RANBP2: variants seen among roughly 807,000 people sequenced by gnomAD.
RANBP2 encodes the protein RAN binding protein 2.
Under a neutral mutation model 303.6 loss-of-function variants are expected in RANBP2, and 57 were observed. The ratio of observed to expected loss-of-function variants is 0.19; its 90% CI spans 0.15 to 0.23. The LOEUF is 0.23. Among genes scored for constraint, RANBP2 ranks in the 10% least tolerant of loss-of-function variants. The probability of loss-of-function intolerance (pLI) is 1.00; values close to 1 mark genes in which losing one functional copy is unlikely to be tolerated. For missense variants in RANBP2, 3,138 were observed against 3,780.8 expected, an observed-to-expected ratio of 0.83 and a Z score of 4.46; for synonymous variants, 1,167 against 1,301.5, an observed-to-expected ratio of 0.90 and a Z score of 2.23.
At chr2:109,050,149 TATA>T in the RANBP2 span, among the ~76,000 whole-genome samples, 1 of 152,214 alleles carries the variant, frequency 6.6e-6, no homozygotes, top group African/African-American at 2.4e-5. Context: ...GAAAAAACTG[TATA>T]ATATCTCAAT....
At chr2:108,880,554 A>G in the RANBP2 span, among the ~76,000 whole-genome samples, 1 of 151,462 alleles carries the variant, frequency 6.6e-6, no homozygotes, top group Non-Finnish European at 1.5e-5. Flanking sequence ...CTCTCTTGTT[A>G]GAGTTTAATG....
the RANBP2 span, among the ~76,000 whole-genome samples, chr2:109,471,440 C>T: frequency 6.6e-6 from 1 of 152,140 alleles, no homozygotes; most frequent in Non-Finnish European, 1.5e-5. Context: ...AACTCACTCA[C>T]TATCACAAGA....
At chr2:109,364,592 C>T in the RANBP2 span, among the ~76,000 whole-genome samples, 6 of 152,308 alleles carry the variant, frequency 3.9e-5, no homozygotes, top group South Asian at 1.0e-3. Context: ...TGTAAATAGG[C>T]CTTTGGTGCT....
the RANBP2 span, among the ~76,000 whole-genome samples, chr2:109,637,118 G>A: frequency 1.3e-5 from 2 of 152,200 alleles, no homozygotes; most frequent in African/African-American, 2.4e-5. Context: ...TAGAATCTAT[G>A]TCATAATTAA....
chr2:109,471,846 A>C, the RANBP2 span, among the ~76,000 whole-genome samples: 1 of 151,910 alleles, frequency 6.6e-6, no homozygotes, highest in South Asian at 2.1e-4. Flanking sequence ...CTTTTTCCAC[A>C]CTCTATTTGC....
At chr2:108,966,472 G>A in the RANBP2 span, among the ~76,000 whole-genome samples, 1,710 of 152,320 alleles carry the variant, frequency 0.011, 28 homozygotes, top group African/African-American at 0.038. Flanking sequence ...TCATCTCGCG[G>A]GCCCCGGTGC....
At chr2:108,758,674 T>G in intron 18 of RANBP2, 126 bp downstream of exon 18, 1 of 1,514,218 alleles carries the variant, frequency 6.6e-7, no homozygotes, top group Non-Finnish European at 8.9e-7. Flanking sequence ...CGTCTGTTTA[T>G]ATGTGACTTC....
the RANBP2 span, among the ~76,000 whole-genome samples, chr2:109,147,779 A>G: frequency 6.6e-6 from 1 of 152,220 alleles, no homozygotes; most frequent in Non-Finnish European, 1.5e-5. Context: ...TGTTTTAGCT[A>G]AAATATCCCG....
At chr2:109,728,290 C>G in the RANBP2 span, among the ~76,000 whole-genome samples, 2 of 152,122 alleles carry the variant, frequency 1.3e-5, no homozygotes, top group Non-Finnish European at 2.9e-5. Context: ...CAGAGATGAG[C>G]TGTCCTCACT....
chr2:109,512,849 A>G, the RANBP2 span, among the ~76,000 whole-genome samples: 3,907 of 152,212 alleles, frequency 0.026, 73 homozygotes, highest in Non-Finnish European at 0.04. Context: ...CTGGGCCAGC[A>G]AGGGAGCAGC....
the RANBP2 span, among the ~76,000 whole-genome samples, chr2:108,957,384 A>T: frequency 6.6e-6 from 1 of 152,264 alleles, no homozygotes; most frequent in Non-Finnish European, 1.5e-5. Flanking sequence ...AGTCGGGGGC[A>T]GGTAATGACA....
the RANBP2 span, among the ~76,000 whole-genome samples, chr2:109,447,921 G>A: frequency 2.0e-5 from 3 of 152,156 alleles, no homozygotes; most frequent in East Asian, 3.8e-4. Flanking sequence ...CTGGAAGCCC[G>A]GTGCTTCGAC....
In RANBP2 at chr2:108,740,620, G is replaced by A. The variant is rs747759274; in HGVS notation, c.914G>A (p.Ser305Asn). The A allele has an allele frequency of 1.9e-5, 31 of 1,597,432 alleles. No individual in the cohort carries two copies. The highest frequency in any genetic ancestry group is 2.5e-5 in the Non-Finnish European group (29 of 1,179,790). The change falls in exon 7 of 29, where the codon AGT becomes AAT. Residue 305 changes from serine to asparagine, a missense_variant. Ser to Asn is a conservative substitution (Grantham distance 46). Coordinates refer to ENST00000283195, the MANE Select transcript of RANBP2 (RefSeq NM_006267.5). ...CTTTTGAAGATGGGTCAGCATAGTA[G>A]TAATGTTCAATGGCGAGCTCTTTCT... ...SLLLKMGQHS[S>N]NVQWRALSEL...
At chr2:109,447,931 C>CATGCAGGCAGAGCAGCAA in the RANBP2 span, among the ~76,000 whole-genome samples, 3 of 152,206 alleles carry the variant, frequency 2.0e-5, no homozygotes, top group Admixed American at 1.3e-4. Flanking sequence ...GGTGCTTCGA[C>CATGCAGGCAGAGCAGCAA]ATGCAGGCAG....
At chr2:109,154,569 A>G in the RANBP2 span, among the ~76,000 whole-genome samples, 1 of 152,192 alleles carries the variant, frequency 6.6e-6, no homozygotes, top group African/African-American at 2.4e-5. Context: ...GCCCTAGTTC[A>G]TGGCCAGAAG....
the RANBP2 span, among the ~76,000 whole-genome samples, chr2:109,210,205 G>C: frequency 6.6e-6 from 1 of 152,172 alleles, no homozygotes; most frequent in African/African-American, 2.4e-5. Flanking sequence ...TCATTCATCT[G>C]TTCACAGACA....
chr2:109,313,134 C>T, the RANBP2 span, among the ~76,000 whole-genome samples: 2 of 152,168 alleles, frequency 1.3e-5, no homozygotes, highest in Non-Finnish European at 2.9e-5. Flanking sequence ...TGCCCTGTGC[C>T]TGTCAGCTTC....
the RANBP2 span, among the ~76,000 whole-genome samples, chr2:109,284,084 C>G: frequency 6.6e-6 from 1 of 152,178 alleles, no homozygotes; most frequent in Admixed American, 6.5e-5. Flanking sequence ...GCCCCCTGGC[C>G]TTCCCAGATC....
chr2:109,727,496 A>G, the RANBP2 span, among the ~76,000 whole-genome samples: 1 of 152,198 alleles, frequency 6.6e-6, no homozygotes. Flanking sequence ...CACTACATGT[A>G]CCTGCTCAAT....
Sources: allele counts gnomAD v4.1 joint callset (sites outside exome capture counted in the v4.1 genomes callset), GRCh38; gene constraint gnomAD v4.1.1; transcripts MANE v1.5; gene names NCBI Gene and HGNC (gene_info 2026-07-23, HGNC 2026-07-21).